Variants in TNXB observed in about 807,000 individuals in gnomAD.
TNXB encodes tenascin XB.
In TNXB, 183 loss-of-function variants were observed where a neutral mutation model predicts 340.5. The ratio of observed to expected loss-of-function variants is 0.54; its 90% CI spans 0.48 to 0.61. The LOEUF (loss-of-function observed/expected upper bound fraction) is 0.61. TNXB is among the 20% of genes least tolerant of loss of function. The probability of loss-of-function intolerance (pLI) is 0.00; values close to 1 mark genes in which losing one functional copy is unlikely to be tolerated. For missense variants in TNXB, 4,613 were observed against 5,446.4 expected, an observed-to-expected ratio of 0.85 and a Z score of 4.82; for synonymous variants, 2,121 against 2,314.5, an observed-to-expected ratio of 0.92 and a Z score of 2.40.
chr6:32,098,323 T>G, intron 1 of TNXB, 117 bp from the exon 2 acceptor site: 2 of 857,538 alleles, frequency 2.3e-6, no homozygotes, highest in Non-Finnish European at 3.3e-6. Flanking sequence ...CCAACTCACA[T>G]GCATGTAAAA....
At position 32,061,642 on chromosome 6, in the gene TNXB, TC is replaced by T; in HGVS notation, c.7246del (p.Glu2416SerfsTer2). ...PEPPEEPLLGELTVTGSSPDS... is the reference protein window; with the variant it reads ...PEPPEEPLLGXLTVTGSSPDS... ...AGGGGAGGATCCTGTCACTGTTAGC[TC>T]CCCCAGGAGCGGCTCCTCAGGGGGC... On this transcript the variant is annotated frameshift_variant, in exon 21 of 44. Transcript: ENST00000644971. LOFTEE classifies it high-confidence loss of function. The surrounding 1 kb of genome is among the most constrained non-coding windows in gnomAD (Gnocchi z 4.4). The T allele has an allele frequency of 6.2e-7, 1 of 1,612,264 alleles. No homozygotes were observed.
At chr6:32,107,526 T>A (rs891994438) in intron 1 of TNXB, among the ~76,000 whole-genome samples, 1 of 151,810 alleles carries the variant, frequency 6.6e-6, no homozygotes, top group Admixed American at 6.6e-5. Flanking sequence ...CCTTCACCAT[T>A]CCCCCTGCCA....
chr6:32,052,947 G>A lies in TNXB; in HGVS notation c.8838C>T (p.Ala2946=), dbSNP rs1777386286. The change falls in exon 26 of 44, where the codon GCC becomes GCT. Residue 2946 remains alanine (A), a synonymous_variant. Transcript: ENST00000644971. The surrounding 1 kb of genome is among the most constrained non-coding windows in gnomAD (Gnocchi z 4.7). ...TPAPTEPSTE[A]PEPPEEPLLG... ...GGAGCGGCTCCTCAGGGGGCTCCGG[G>A]GCCTCCGTGCTGGGTTCTGTGGGGG... 2 of 1,612,666 alleles carry A rather than the reference G, an allele frequency of 1.2e-6. No homozygotes were observed. The highest frequency in any genetic ancestry group is 1.7e-6 in the Non-Finnish European group (2 of 1,179,826).
Position 32,069,025 on chromosome 6 carries a change from G to A in TNXB, c.5699C>T (p.Ser1900Phe), listed in dbSNP as rs755649413. 6.2e-6 allele frequency: 10 copies of A among 1,612,878 alleles called. No homozygotes were observed. Among genetic ancestry groups the A allele is most frequent in the Non-Finnish European group, 5.9e-6 (7 of 1,179,874 alleles). The part of the protein sequence containing the change: ...EEATSHTLHL[S>F]WMVTEGEFDS... ...AAATTCTCCCTCAGTCACCATCCAG[G>A]AGAGATGCAGGGTGTGTGACGTGGC... Residue 1900 changes from serine (S) to phenylalanine (F), a missense_variant, in exon 16 of 44, where the codon TCC becomes TTC. Ser to Phe is a radical substitution (Grantham distance 155). Around this residue, in one of 7 missense-constraint regions of TNXB, gnomAD observed 4,327 missense variants for 4,859.4 expected, o/e 0.89. Coordinates refer to ENST00000644971, the MANE Select transcript of TNXB (RefSeq NM_001365276.2). The surrounding 1 kb of genome is among the most constrained non-coding windows in gnomAD (Gnocchi z 6.2).
At chr6:32,098,398 TATC>T (rs762966067) in intron 1 of TNXB, among the ~76,000 whole-genome samples, 192 bp from the exon 2 acceptor site, 4 of 152,144 alleles carry the variant, frequency 2.6e-5, no homozygotes, top group Non-Finnish European at 4.4e-5. Flanking sequence ...ACCTCTCTGA[TATC>T]ATTTATTTAC....
Position 32,047,822 on chromosome 6 carries a change from G to A in TNXB, c.10236C>T (p.Gly3412=), listed in dbSNP as rs1776989240. Residue 3412 remains glycine (G), a synonymous_variant, in exon 30 of 44, where the codon GGC becomes GGT. Transcript: ENST00000644971. The surrounding 1 kb of genome is among the most constrained non-coding windows in gnomAD (Gnocchi z 6.2). ...AANQREVTVQ[G]LEPSRKYRFL... ...ACCTGTATTTCCTACTGGGCTCCAG[G>A]CCCTGGACTGTGACCTCCCGCTGGT... The A allele has an allele frequency of 6.2e-7, 1 of 1,611,768 alleles. No individual in the cohort carries two copies. Among genetic ancestry groups the A allele is most frequent in the African/African-American group, 1.3e-5 (1 of 75,036 alleles).
At position 32,096,186 on chromosome 6, in the gene TNXB, G is replaced by C; in HGVS notation, c.1667C>G (p.Thr556Arg). 2.6e-6 allele frequency: 4 copies of C among 1,568,234 alleles called. No homozygotes were observed. Among genetic ancestry groups the C allele is most frequent in the Non-Finnish European group, 3.4e-6 (4 of 1,159,496 alleles). The change falls in exon 3 of 44, where the codon ACG becomes AGG. Residue 556 changes from threonine (T) to arginine (R), a missense_variant. Physicochemically the swap from Thr to Arg is moderately conservative, Grantham distance 71. Coordinates refer to ENST00000644971, the MANE Select transcript of TNXB (RefSeq NM_001365276.2). ...DAGYSGEDCSTRSCPGGCRGR... is the reference protein window; with the variant it reads ...DAGYSGEDCSRRSCPGGCRGR... ...TCGGCAGCCCCCGGGGCAGCTGCGC[G>C]TGCTGCAGTCTTCCCCTGAGTAGCC...
In TNXB at chr6:32,060,885, C is replaced by T. The variant is rs765628765; in HGVS notation, c.7492+512G>A. Among the ~76,000 whole-genome samples the T allele has an allele frequency of 2.0e-5, 3 of 151,966 alleles. 1 individual carries two copies. The highest frequency in any genetic ancestry group is 7.3e-5 in the African/African-American group (3 of 41,204). On this transcript the variant is annotated intron_variant, in intron 21 of 43. Coordinates refer to ENST00000644971, the MANE Select transcript of TNXB (RefSeq NM_001365276.2). ...AACTCCTGACCTCAGGCGATCAGCC[C>T]GCCTCGGCCTCCCAAAGTGCTGGGA... is the stretch of plus-strand genomic sequence containing the variant.
intron 21 of TNXB, among the ~76,000 whole-genome samples, chr6:32,060,060 C>T (rs1201512794): frequency 5.3e-5 from 8 of 151,880 alleles, no homozygotes; most frequent in Admixed American, 2.0e-4. Flanking sequence ...TCTGGCTGGG[C>T]GCGGTGGCTC....
At position 32,082,171 on chromosome 6, in the gene TNXB, G is replaced by C. The variant is rs1779501865; in HGVS notation, c.3601C>G (p.Gln1201Glu). 8 of 1,612,704 alleles carry C rather than the reference G, an allele frequency of 5.0e-6. No homozygotes were observed. The highest frequency in any genetic ancestry group is 6.8e-6 in the Non-Finnish European group (8 of 1,179,672). ...TCGGGCCCTTCCACAGGTACCACCT[G>C]GGGCCGTCCATCCCTGTCCCTGTAC... ...VQYRDRDGRP[Q>E]VVPVEGPERS... Residue 1201 changes from glutamine to glutamate, a missense_variant, in exon 9 of 44, where the codon CAG (glutamine) becomes GAG (glutamate). Physicochemically the swap from Gln to Glu is conservative, Grantham distance 29 (BLOSUM62 2). This residue lies in a region of TNXB where 4,327 missense variants were observed against 4,859.4 expected (regional missense o/e 0.89). Coordinates refer to ENST00000644971, the MANE Select transcript of TNXB (RefSeq NM_001365276.2). This position sits in a 1 kb window ranked among gnomAD's most constrained non-coding sequence, Gnocchi z 5.0.
intron 4 of TNXB, among the ~76,000 whole-genome samples, chr6:32,094,616 C>T (rs762977767): frequency 6.6e-6 from 1 of 152,036 alleles, no homozygotes; most frequent in Non-Finnish European, 1.5e-5. Context: ...GGAAAAGGGG[C>T]GAAGAAACTG....
Position 32,052,810 on chromosome 6 carries a change from C to T in TNXB, c.8975G>A (p.Arg2992Gln), listed in dbSNP as rs772749033. 21 of 1,613,556 alleles carry T rather than the reference C, an allele frequency of 1.3e-5. No individual in the cohort carries two copies. Among genetic ancestry groups the T allele is most frequent in the Admixed American group, 1.7e-5 (1 of 60,006 alleles). Residue 2992 changes from arginine to glutamine, a missense_variant, in exon 26 of 44, where the codon CGG (arginine) becomes CAG (glutamine). By Grantham distance (43) the Arg-to-Gln change is conservative. Around this residue, in one of 7 missense-constraint regions of TNXB, gnomAD observed 4,327 missense variants for 4,859.4 expected, o/e 0.89. Coordinates refer to ENST00000644971, the MANE Select transcript of TNXB (RefSeq NM_001365276.2). This position sits in a 1 kb window ranked among gnomAD's most constrained non-coding sequence, Gnocchi z 4.7. Reference protein sequence around the residue: ...FTVQYKDRDGRPQVVRVRGEE... With the variant: ...FTVQYKDRDGQPQVVRVRGEE... ...GCCCCTGACACGCACCACCTGGGGCCGCCCGTCCCTGTCCTTGTACTGCAC... is the reference window on the plus strand; with the variant it reads ...GCCCCTGACACGCACCACCTGGGGCTGCCCGTCCCTGTCCTTGTACTGCAC...
rs560219178 is a variant in TNXB, at chr6:32,070,352, G to A, written c.5053C>T (p.Pro1685Ser). ...PRLGELWVTDPTPDSLRLSWT... is the reference protein window; with the variant it reads ...PRLGELWVTDSTPDSLRLSWT... ...GAGAGGCGCAGTGAGTCTGGGGTGG[G>A]GTCTGTCACCCACAGCTCCCCAAGG... Residue 1685 changes from proline (P) to serine (S), a missense_variant, in exon 14 of 44, where the codon CCC (proline) becomes TCC (serine). Pro to Ser is a moderately conservative substitution (Grantham distance 74). Transcript: ENST00000644971. The surrounding 1 kb of genome is among the most constrained non-coding windows in gnomAD (Gnocchi z 6.0). 1.2e-6 allele frequency: 2 copies of A among 1,608,466 alleles called. No homozygotes were observed. Among genetic ancestry groups the A allele is most frequent in the Non-Finnish European group, 1.7e-6 (2 of 1,178,074 alleles).
intron 4 of TNXB, 88 bp downstream of exon 4, chr6:32,094,988 T>C: frequency 8.9e-7 from 1 of 1,117,638 alleles, no homozygotes; most frequent in Non-Finnish European, 1.3e-6. Flanking sequence ...ACTCAACCAA[T>C]GATCACCTGG....
chr6:32,066,821 C>T (rs775963373), intron 18 of TNXB, among the ~76,000 whole-genome samples: 36 of 152,122 alleles, frequency 2.4e-4, no homozygotes, highest in Non-Finnish European at 4.9e-4. Context: ...CGCCTGGAAT[C>T]CTATCACTTT....
rs1253464924 is a variant in TNXB at position 32,049,559 on chromosome 6, G to C, written c.9468C>G (p.Pro3156=). The C allele has an allele frequency of 1.2e-6, 2 of 1,612,240 alleles. No homozygotes were observed. The highest frequency in any genetic ancestry group is 2.2e-5 in the South Asian group (2 of 91,062). Residue 3156 remains proline, a synonymous_variant, in exon 28 of 44, where the codon CCC becomes CCG. Transcript: ENST00000644971. This position sits in a 1 kb window ranked among gnomAD's most constrained non-coding sequence, Gnocchi z 4.5. ...CAGGGGCCTCCGGGGCCTCAGTGCTGGGTTCTGTGGGGCTGGGGGTCTCTT... is the reference window on the plus strand; with the variant it reads ...CAGGGGCCTCCGGGGCCTCAGTGCTCGGTTCTGTGGGGCTGGGGGTCTCTT... ...TEEETPSPTE[P]STEAPEAPEE...
chr6:32,054,858 G>T (rs1283630388), intron 24 of TNXB, among the ~76,000 whole-genome samples: 2 of 152,322 alleles, frequency 1.3e-5, no homozygotes, highest in South Asian at 2.1e-4. Flanking sequence ...GCACAGTCTG[G>T]TCTTGGCGTG....
chr6:32,062,617 T>C lies in TNXB; in HGVS notation c.6842-134A>G, dbSNP rs1778100607. Reference sequence around the variant, plus strand: ...CCCCAAGCTTAGAATATCATTTTTCTGCTTTGAATGTTCAGTTAACACCAC... The same window carrying C: ...CCCCAAGCTTAGAATATCATTTTTCCGCTTTGAATGTTCAGTTAACACCAC... On this transcript the variant is annotated intron_variant, in intron 19 of 43. Transcript: ENST00000644971. This position sits in a 1 kb window ranked among gnomAD's most constrained non-coding sequence, Gnocchi z 4.3. 7 of 888,470 alleles carry C rather than the reference T, an allele frequency of 7.9e-6. No individual in the cohort carries two copies. The Admixed American group carries it at 1.7e-4, about 22-fold the overall frequency. The allele number at this position is 888,470 out of a possible 1,614,324, so 55.0% of individuals were successfully genotyped here. A position where few individuals can be genotyped will look rare whatever the true frequency, so the allele number is the denominator to read the frequency against.
chr6:32,069,595 G>A lies in TNXB; in HGVS notation c.5545C>T (p.His1849Tyr). The change falls in exon 15 of 44, where the codon CAC (histidine) becomes TAC (tyrosine). Residue 1849 changes from histidine (H) to tyrosine (Y), a missense_variant. This residue lies in a region of TNXB where 4,327 missense variants were observed against 4,859.4 expected (regional missense o/e 0.89). Coordinates refer to ENST00000644971, the MANE Select transcript of TNXB (RefSeq NM_001365276.2). This position sits in a 1 kb window ranked among gnomAD's most constrained non-coding sequence, Gnocchi z 6.2. ...RYKLLLYGLH[H>Y]GKRVGPISAV... Reference sequence around the variant, plus strand: ...GAGATGGGGCCCACACGCTTGCCGTGGTGCAGCCCGTAGAGCAGCAGCTTG... The same window carrying A: ...GAGATGGGGCCCACACGCTTGCCGTAGTGCAGCCCGTAGAGCAGCAGCTTG... 2 of 1,596,330 alleles carry A rather than the reference G, an allele frequency of 1.3e-6. No homozygotes were observed. Among genetic ancestry groups the A allele is most frequent in the Non-Finnish European group, 1.7e-6 (2 of 1,168,512 alleles).
Sources: allele counts gnomAD v4.1 joint callset (sites outside exome capture counted in the v4.1 genomes callset), GRCh38; gene constraint gnomAD v4.1.1; regional missense constraint gnomAD v4.1.1; non-coding constraint Gnocchi (gnomAD v3.1); transcripts MANE v1.5; gene names NCBI Gene and HGNC (gene_info 2026-07-23, HGNC 2026-07-21).